The following IPO7 variants were observed in gnomAD, a reference collection of about 807,000 sequenced individuals.
IPO7 encodes the protein importin-7.
A neutral mutation model predicts 136.4 loss-of-function variants in IPO7; 13 were observed. The observed-to-expected ratio is 0.10, with a 90% CI of 0.06 to 0.15. The LOEUF (loss-of-function observed/expected upper bound fraction) is 0.15. Ranked by LOEUF, IPO7 falls within the 10% of genes least tolerant of loss-of-function variation. The probability of loss-of-function intolerance (pLI) is 1.00; values close to 1 mark genes in which losing one functional copy is unlikely to be tolerated. For synonymous variants in IPO7, 403 were observed against 404.4 expected, an observed-to-expected ratio of 1.00 and a Z score of 0.04; for missense variants, 857 against 1,240.6, an observed-to-expected ratio of 0.69 and a Z score of 4.65.
intron 8 of IPO7, among the ~76,000 whole-genome samples, chr11:9,420,924 T>C (rs1032588579): frequency 1.3e-5 from 2 of 152,178 alleles, no homozygotes; most frequent in African/African-American, 4.8e-5. Flanking sequence ...TATTAGAAAT[T>C]AGAGTAAACA....
chr11:9,440,308 T>C (rs1855444635), intron 22 of IPO7, 147 bp from the exon 23 acceptor site: 1 of 658,234 alleles, frequency 1.5e-6, no homozygotes, highest in Non-Finnish European at 2.6e-6. Flanking sequence ...CTATTCATTA[T>C]TGAACATGTA....
At chr11:9,402,428 GAA>G (rs1224513298) in intron 1 of IPO7, among the ~76,000 whole-genome samples, 4 of 75,920 alleles carry the variant, frequency 5.3e-5, no homozygotes, top group African/African-American at 2.0e-4. Context: ...AAAAAAAAAA[GAA>G]TGCTAGTTGG....
chr11:9,388,421 C>G (rs1052456917), intron 1 of IPO7, among the ~76,000 whole-genome samples: 5 of 151,746 alleles, frequency 3.3e-5, no homozygotes, highest in Non-Finnish European at 5.9e-5. Flanking sequence ...GTGATCCGCC[C>G]ACCTCGGCCT....
In IPO7 at chr11:9,437,922, G is replaced by A; in HGVS notation, c.2437G>A (p.Val813Ile). The change falls in exon 21 of 25, where the codon GTT becomes ATT. Residue 813 changes from valine (V) to isoleucine (I), a missense_variant. Around this residue, in one of 11 missense-constraint regions of IPO7, gnomAD observed 190 missense variants for 249.0 expected, o/e 0.76. Coordinates refer to ENST00000379719, the MANE Select transcript of IPO7 (RefSeq NM_006391.3). ...TCGCTTCCCTAATAATGTTGAACCA[G>A]TTACAAATCATTTTATTACACAGTG... ...NLRFPNNVEPVTNHFITQWLN... is the reference protein window; with the variant it reads ...NLRFPNNVEPITNHFITQWLN... 6.2e-7 allele frequency: 1 copy of A among 1,613,666 alleles called. No individual in the cohort carries two copies.
chr11:9,438,641 T>C (rs1281514455), intron 22 of IPO7, among the ~76,000 whole-genome samples: 2 of 151,678 alleles, frequency 1.3e-5, no homozygotes, highest in Non-Finnish European at 2.9e-5. Context: ...AAAAAAAATA[T>C]ATATATATAT....
rs1554956341 is a variant in IPO7 at position 9,438,055 on chromosome 11, T to TG, written c.2490-25_2490-24insG. The TG allele has an allele frequency of 2.1e-5, 10 of 485,160 alleles. No individual in the cohort carries two copies. In the East Asian group the frequency reaches 2.2e-4, roughly 11 times the overall value. The allele number at this position is 485,160 out of a possible 1,614,324, so 30.1% of individuals were successfully genotyped here. A position where few individuals can be genotyped will look rare whatever the true frequency, so the allele number is the denominator to read the frequency against. ...TAAGAAAAGAAAACAGTTTTTTTTT[T>TG]TTTTTTTTTTTTTTTTTTTTTTAGG... On this transcript the variant is annotated intron_variant, in intron 21 of 24. Transcript: ENST00000379719.
intron 2 of IPO7, 149 bp downstream of exon 2, chr11:9,403,520 A>T: frequency 1.7e-6 from 1 of 582,434 alleles, no homozygotes; most frequent in Non-Finnish European, 3.0e-6. Context: ...AACATCAGGT[A>T]CCTTGATATC....
chr11:9,438,970 A>G (rs1419272013), intron 22 of IPO7, among the ~76,000 whole-genome samples: 1 of 152,204 alleles, frequency 6.6e-6, no homozygotes, highest in Non-Finnish European at 1.5e-5. Flanking sequence ...AGTCCACTTA[A>G]GAGCGAGAGA....
intron 1 of IPO7, chr11:9,392,144 A>G (rs929482261): frequency 1.9e-5 from 7 of 370,470 alleles, no homozygotes; most frequent in African/African-American, 4.5e-5. Flanking sequence ...TAGCCAAGGT[A>G]GATGTCATAT....
intron 18 of IPO7, 132 bp from the exon 19 acceptor site, chr11:9,434,802 C>A (rs1258847368): frequency 1.8e-5 from 12 of 680,336 alleles, no homozygotes; most frequent in Non-Finnish European, 2.6e-6. Flanking sequence ...TGTCCCCCCT[C>A]CCCCCAAAAA....
chr11:9,429,639 G>A (rs1389576220), intron 14 of IPO7, 35 bp from the exon 15 acceptor site: 4 of 1,565,378 alleles, frequency 2.6e-6, no homozygotes, highest in Non-Finnish European at 3.5e-6. Flanking sequence ...AAGTTTTAGG[G>A]GTTTTACGCA....
chr11:9,401,900 T>C (rs886692321), intron 1 of IPO7, among the ~76,000 whole-genome samples: 1 of 152,198 alleles, frequency 6.6e-6, no homozygotes, highest in East Asian at 1.9e-4. Context: ...TATTACCACC[T>C]TGGACACTAC....
rs1463011919 is a variant in IPO7, at chr11:9,425,265, A to G, written c.1335+3A>G. 2 of 1,507,822 alleles carry G rather than the reference A, an allele frequency of 1.3e-6. No homozygotes were observed. The highest frequency in any genetic ancestry group is 1.4e-5 in the African/African-American group (1 of 72,796). The allele number at this position is 1,507,822 out of a possible 1,614,324, so 93.4% of individuals were successfully genotyped here. On this transcript the variant is annotated splice_donor_region_variant and intron_variant, in intron 12 of 24. Coordinates refer to ENST00000379719, the MANE Select transcript of IPO7 (RefSeq NM_006391.3). ...CTTTAGCTGAAATACTTCTGAAGGT[A>G]TTCTTTAGTGTGTTTGTATGTGCAT...
chr11:9,422,887 G>T, intron 8 of IPO7, 119 bp from the exon 9 acceptor site: 2 of 529,856 alleles, frequency 3.8e-6, no homozygotes, highest in Non-Finnish European at 3.4e-6. Context: ...CAAAGTATAC[G>T]GTTGTTTTTC....
In IPO7 at chr11:9,446,692, AAT is replaced by A. The variant is rs1855534329; in HGVS notation, c.*1499_*1500del. 2 of 152,224 alleles carry A rather than the reference AAT, an allele frequency of 1.3e-5. No individual in the cohort carries two copies. Among genetic ancestry groups the A allele is most frequent in the African/African-American group, 4.8e-5 (2 of 41,458 alleles). The allele number at this position is 152,224 out of a possible 1,614,324, so 9.4% of individuals were successfully genotyped here. Reference sequence around the variant, plus strand: ...TGTTGTCTAAAACAGGTGAGAAAAAAATTTATAACTGTAAAAACAAATGCACA... The same window carrying A: ...TGTTGTCTAAAACAGGTGAGAAAAAATTATAACTGTAAAAACAAATGCACA... On this transcript the variant is annotated 3_prime_UTR_variant, in exon 25 of 25. Transcript: ENST00000379719.
chr11:9,411,261 T>C (rs1231026434), intron 4 of IPO7, among the ~76,000 whole-genome samples: 2 of 152,148 alleles, frequency 1.3e-5, no homozygotes, highest in Non-Finnish European at 1.5e-5. Context: ...TCAGCCAGTG[T>C]TTTCGTTGTG....
chr11:9,397,948 C>G (rs1294871001), intron 1 of IPO7, among the ~76,000 whole-genome samples: 2 of 152,154 alleles, frequency 1.3e-5, no homozygotes, highest in Non-Finnish European at 2.9e-5. Flanking sequence ...GCTTAGCATT[C>G]TAGGAAGTGG....
rs148452484 is a variant in IPO7, at chr11:9,424,514, C to T, written c.1142-400C>T. On this transcript the variant is annotated intron_variant, in intron 10 of 24. Coordinates refer to ENST00000379719, the MANE Select transcript of IPO7 (RefSeq NM_006391.3). ...ATCCCAACGTGTTGGGAGGCCGAGG[C>T]AGGCAGATCGTTTGAGGTCAGGAGT... Among the ~76,000 whole-genome samples the T allele has an allele frequency of 2.1e-3, 321 of 152,306 alleles. 1 individual carries two copies. The highest frequency in any genetic ancestry group is 3.8e-3 in the Non-Finnish European group (259 of 68,028).
chr11:9,389,061 T>G lies in IPO7; in HGVS notation c.84+4214T>G, dbSNP rs142996811. The stretch of plus-strand genomic sequence containing the variant: ...TTTTTAAAATTTATTATTATTATTA[T>G]TAGTATTTTTGTGGCAGGTTCTCAC... On this transcript the variant is annotated intron_variant, in intron 1 of 24. Coordinates refer to ENST00000379719, the MANE Select transcript of IPO7 (RefSeq NM_006391.3). 9.8e-3 allele frequency among the ~76,000 whole-genome samples: 1,497 copies of G among 151,992 alleles called. 12 individuals carry two copies. Among genetic ancestry groups the G allele is most frequent in the Middle Eastern group, 0.031 (9 of 294 alleles).
Sources: gnomAD v4.1 joint callset for allele counts (sites outside exome capture counted in the v4.1 genomes callset) on GRCh38, gnomAD v4.1.1 for gene constraint, gnomAD v4.1.1 regional missense constraint, MANE v1.5 for transcripts, NCBI Gene and HGNC (gene_info 2026-07-23, HGNC 2026-07-21) for gene names.